RBMS1: variants seen among roughly 807,000 people sequenced by gnomAD.
RBMS1 encodes the protein RNA binding motif single stranded interacting protein 1, also known as RNA-binding motif, single-stranded-interacting protein 1.
Under a neutral mutation model 62.3 loss-of-function variants are expected in RBMS1, and 17 were observed. That is an observed-to-expected ratio of 0.27 (90% CI 0.19 to 0.41). The LOEUF is 0.41. Among genes scored for constraint, RBMS1 ranks in the 10% least tolerant of loss-of-function variants. The pLI is 1.00. For missense variants in RBMS1, 334 were observed against 504.5 expected, an observed-to-expected ratio of 0.66 and a Z score of 3.24; for synonymous variants, 172 against 170.0, an observed-to-expected ratio of 1.01 and a Z score of -0.09.
At chr2:160,460,066 G>A (rs2105330803) in intron 1 of RBMS1, among the ~76,000 whole-genome samples, 1 of 152,328 alleles carries the variant, frequency 6.6e-6, no homozygotes, top group African/African-American at 2.4e-5. Context: ...TGGGCCCACA[G>A]AAGGCAGATG....
At chr2:160,322,435 G>C (rs1690611494) in intron 2 of RBMS1, among the ~76,000 whole-genome samples, 1 of 152,210 alleles carries the variant, frequency 6.6e-6, no homozygotes, top group Non-Finnish European at 1.5e-5. Flanking sequence ...GGTTGAAAGA[G>C]GGATAACAAG....
intron 1 of RBMS1, among the ~76,000 whole-genome samples, chr2:160,408,042 C>T (rs1024867920): frequency 3.4e-5 from 5 of 148,686 alleles, no homozygotes; most frequent in Non-Finnish European, 6.0e-5. Flanking sequence ...GCTCTCCCTC[C>T]CGGGATCGGG....
At chr2:160,354,342 G>T (rs941584753) in intron 2 of RBMS1, among the ~76,000 whole-genome samples, 4 of 152,108 alleles carry the variant, frequency 2.6e-5, no homozygotes, top group Non-Finnish European at 5.9e-5. Context: ...TAATGAATAG[G>T]GGTGGTGGAG....
chr2:160,451,621 A>AT (rs1248159955), intron 1 of RBMS1, among the ~76,000 whole-genome samples: 1 of 151,876 alleles, frequency 6.6e-6, no homozygotes, highest in Non-Finnish European at 1.5e-5. Context: ...TATTATTATT[A>AT]TTTTTTTGAC....
intron 2 of RBMS1, among the ~76,000 whole-genome samples, chr2:160,361,015 A>G (rs971701349): frequency 1.3e-5 from 2 of 152,228 alleles, no homozygotes; most frequent in South Asian, 2.1e-4. Flanking sequence ...ACAGGCTATC[A>G]TATCATAAGC....
rs1252861710 is a variant in RBMS1 at position 160,311,228 on chromosome 2, C to CTATATA, written c.402+1927_402+1928insTATATA. On this transcript the variant is annotated intron_variant, in intron 4 of 13. Transcript: ENST00000348849. ...AAAAAAAATCTATCTATCTATCTAT[C>CTATATA]TATCTATATATATATATATATATAT... is the stretch of plus-strand genomic sequence containing the variant. Among the ~76,000 whole-genome samples the CTATATA allele has an allele frequency of 3.3e-3, 321 of 95,854 alleles. 4 individuals carry two copies. The highest frequency in any genetic ancestry group is 5.6e-3 in the Middle Eastern group (1 of 178). 62.9% of individuals were successfully genotyped at this position (95,854 alleles called of 152,430 possible). A position where few individuals can be genotyped will look rare whatever the true frequency, so the allele number is the denominator to read the frequency against.
At chr2:160,353,605 T>C (rs963526233) in intron 2 of RBMS1, among the ~76,000 whole-genome samples, 1 of 152,100 alleles carries the variant, frequency 6.6e-6, no homozygotes, top group Non-Finnish European at 1.5e-5. Context: ...TTCATCCTCA[T>C]GATAAAGAGC....
chr2:160,298,606 C>T (rs1444712109), intron 6 of RBMS1, among the ~76,000 whole-genome samples: 5 of 151,998 alleles, frequency 3.3e-5, no homozygotes, highest in South Asian at 2.1e-4. Flanking sequence ...CAAGGGAGGA[C>T]GCACTTCATG....
intron 1 of RBMS1, among the ~76,000 whole-genome samples, chr2:160,410,189 C>T (rs1314389492): frequency 3.5e-4 from 48 of 139,124 alleles, no homozygotes; most frequent in African/African-American, 1.3e-3. Context: ...GCCGCTGCAC[C>T]CCAGTCTGGG....
intron 13 of RBMS1, among the ~76,000 whole-genome samples, chr2:160,275,100 T>G (rs1687760741): frequency 6.6e-6 from 1 of 152,204 alleles, no homozygotes; most frequent in African/African-American, 2.4e-5. Flanking sequence ...AACCAGGGTA[T>G]TCTAAGTTCT....
chr2:160,395,680 T>C (rs1422953363), intron 1 of RBMS1, among the ~76,000 whole-genome samples: 2 of 147,046 alleles, frequency 1.4e-5, no homozygotes, highest in African/African-American at 5.0e-5. Context: ...GCTCACATAA[T>C]AGTCGAGGGC....
intron 2 of RBMS1, among the ~76,000 whole-genome samples, chr2:160,337,116 TC>T (rs1478011106): frequency 6.6e-6 from 1 of 151,616 alleles, no homozygotes; most frequent in Non-Finnish European, 1.5e-5. Context: ...CATTTTCTTT[TC>T]GTTTTTCTTT....
At chr2:160,445,849 A>G (rs971805009) in intron 1 of RBMS1, among the ~76,000 whole-genome samples, 6 of 152,170 alleles carry the variant, frequency 3.9e-5, no homozygotes, top group Admixed American at 2.0e-4. Flanking sequence ...TTCTCCCAGT[A>G]TCTCAGAGGA....
chr2:160,430,791 T>C (rs917000577), intron 1 of RBMS1, among the ~76,000 whole-genome samples: 1 of 152,140 alleles, frequency 6.6e-6, no homozygotes, highest in African/African-American at 2.4e-5. Context: ...CAGCTTCAAG[T>C]GGTAAGCTGA....
chr2:160,422,524 A>T (rs923877850), intron 1 of RBMS1, among the ~76,000 whole-genome samples: 1 of 152,154 alleles, frequency 6.6e-6, no homozygotes, highest in South Asian at 2.1e-4. Context: ...TCTCATTTTC[A>T]GACCTGGAAA....
intron 2 of RBMS1, among the ~76,000 whole-genome samples, chr2:160,355,554 T>C (rs1692751830): frequency 6.6e-6 from 1 of 152,086 alleles, no homozygotes; most frequent in African/African-American, 2.4e-5. Context: ...TGGCCCACAT[T>C]CTATCAAGGA....
intron 2 of RBMS1, among the ~76,000 whole-genome samples, chr2:160,331,769 G>T (rs1424162977): frequency 2.0e-5 from 3 of 152,112 alleles, no homozygotes; most frequent in Non-Finnish European, 4.4e-5. Flanking sequence ...AGTTCTTACC[G>T]ATGCTTACCT....
At chr2:160,442,250 TG>T (rs1683439265) in intron 1 of RBMS1, among the ~76,000 whole-genome samples, 1 of 152,252 alleles carries the variant, frequency 6.6e-6, no homozygotes, top group Non-Finnish European at 1.5e-5. Flanking sequence ...GACACTTCCA[TG>T]TCTTCTTCCA....
intron 9 of RBMS1, chr2:160,283,559 C>G (rs1688214013): frequency 6.6e-6 from 1 of 152,216 alleles, no homozygotes; most frequent in South Asian, 2.1e-4. Context: ...ATGATAATGC[C>G]AATCCTCAGT....
Sources: allele counts gnomAD v4.1 joint callset (sites outside exome capture counted in the v4.1 genomes callset), GRCh38; gene constraint gnomAD v4.1.1; transcripts MANE v1.5; gene names NCBI Gene and HGNC (gene_info 2026-07-23, HGNC 2026-07-21).